RYR3: variants seen among roughly 807,000 people sequenced by gnomAD.
RYR3 encodes the protein ryanodine receptor 3, also known as brain ryanodine receptor-calcium release channel.
A neutral mutation model predicts 584.3 loss-of-function variants in RYR3; 207 were observed. That is an observed-to-expected ratio of 0.35 (90% CI 0.32 to 0.40). The LOEUF is 0.40. Among genes scored for constraint, RYR3 ranks in the 10% least tolerant of loss-of-function variants. The probability of loss-of-function intolerance (pLI) is 1.00; values close to 1 mark genes in which losing one functional copy is unlikely to be tolerated. For synonymous variants in RYR3, 2,416 were observed against 2,248.5 expected (o/e 1.07, Z -2.11); for missense variants, 5,616 against 6,089.2 (o/e 0.92, Z 2.59).
intron 77 of RYR3, among the ~76,000 whole-genome samples, chr15:33,820,093 T>G (rs1003554298): frequency 1.3e-4 from 20 of 152,350 alleles, no homozygotes; most frequent in African/African-American, 4.8e-4. Flanking sequence ...AATACCCTTG[T>G]GTTTTCACTC....
intron 1 of RYR3, among the ~76,000 whole-genome samples, chr15:33,436,428 G>T (rs550734176): frequency 6.6e-6 from 1 of 150,832 alleles, no homozygotes; most frequent in African/African-American, 2.4e-5. Flanking sequence ...TCAACCTGTT[G>T]GTTATGTTTT....
intron 17 of RYR3, 27 bp downstream of exon 17, chr15:33,601,579 G>T (rs1377084897): frequency 1.2e-6 from 2 of 1,612,506 alleles, no homozygotes; most frequent in Non-Finnish European, 1.7e-6. Context: ...CATTCCAAAT[G>T]CCAAGCATAG....
intron 100 of RYR3, 99 bp from the exon 101 acceptor site, chr15:33,860,496 C>T (rs1354540670): frequency 5.4e-6 from 3 of 554,244 alleles, no homozygotes; most frequent in South Asian, 3.6e-5. Context: ...TGATAATTCA[C>T]TTTTTTTTTT....
chr15:33,426,531 T>C (rs1424025832), intron 1 of RYR3, among the ~76,000 whole-genome samples: 3 of 152,218 alleles, frequency 2.0e-5, no homozygotes, highest in African/African-American at 7.2e-5. Flanking sequence ...GTGTAACTTT[T>C]TGTACTAAAG....
intron 16 of RYR3, among the ~76,000 whole-genome samples, chr15:33,593,813 T>G (rs1050820491): frequency 7.2e-5 from 11 of 152,184 alleles, no homozygotes; most frequent in African/African-American, 2.4e-4. Context: ...GAAACATAAT[T>G]TTTCTCTCTG....
chr15:33,745,481 T>C (rs1441530234), intron 52 of RYR3, among the ~76,000 whole-genome samples: 1 of 152,160 alleles, frequency 6.6e-6, no homozygotes, highest in African/African-American at 2.4e-5. Context: ...GTCTTGGGGA[T>C]GTGAAGTTAC....
rs565187830 is a variant in RYR3 at position 33,435,462 on chromosome 15, T to C, written c.52-37957T>C. Among the ~76,000 whole-genome samples the C allele has an allele frequency of 1.7e-4, 26 of 152,348 alleles. No homozygotes were observed. The South Asian group carries it at 5.0e-3, about 29-fold the overall frequency. ...TGTATAGTTTGGGGCTCTGGATATG[T>C]GTATGTGTGTGTGTGCTATTTCACA... is the stretch of plus-strand genomic sequence containing the variant. On this transcript the variant is annotated intron_variant, in intron 1 of 103. Coordinates refer to ENST00000634891, the MANE Select transcript of RYR3 (RefSeq NM_001036.6).
intron 2 of RYR3, among the ~76,000 whole-genome samples, chr15:33,480,171 T>G (rs1229750232): frequency 6.6e-6 from 1 of 152,186 alleles, no homozygotes; most frequent in Non-Finnish European, 1.5e-5. Flanking sequence ...TCAAGGACTT[T>G]TGTATAGCTC....
rs771271239 is a variant in RYR3, at chr15:33,865,111, CGTT to C, written c.14518-16_14518-14del. On this transcript the variant is annotated splice_polypyrimidine_tract_variant and intron_variant, in intron 103 of 103. Transcript: ENST00000634891. ...TTACTGTGGTTTAAAAATAAGCACC[CGTT>C]GTTCATATTATTTCAGGAATCTTAT... The C allele has an allele frequency of 6.3e-6, 10 of 1,581,288 alleles. No individual in the cohort carries two copies. In the Admixed American group the frequency reaches 8.4e-5, roughly 13 times the overall value.
intron 14 of RYR3, among the ~76,000 whole-genome samples, chr15:33,584,081 C>G (rs2058723254): frequency 6.6e-6 from 1 of 151,256 alleles, no homozygotes; most frequent in South Asian, 2.1e-4. Context: ...ACAAAAAAAA[C>G]TTAAAAATTA....
chr15:33,848,057 C>T (rs996323229), intron 93 of RYR3, among the ~76,000 whole-genome samples: 1 of 152,156 alleles, frequency 6.6e-6, no homozygotes, highest in Non-Finnish European at 1.5e-5. Flanking sequence ...TTAATATTAG[C>T]CATCTAACTG....
At chr15:33,685,700 C>T (rs182628381) in intron 38 of RYR3, among the ~76,000 whole-genome samples, 2,382 of 152,286 alleles carry the variant, frequency 0.016, 61 homozygotes, top group African/African-American at 0.054. Context: ...AAATAATGCA[C>T]TCCTCAGCAA....
chr15:33,459,022 C>T (rs150058082), intron 1 of RYR3, among the ~76,000 whole-genome samples: 189 of 152,352 alleles, frequency 1.2e-3, no homozygotes, highest in African/African-American at 4.2e-3. Context: ...TCACTTCTGA[C>T]CTGAGTCAAT....
chr15:33,598,590 G>A (rs2059505048), intron 16 of RYR3, among the ~76,000 whole-genome samples: 1 of 151,758 alleles, frequency 6.6e-6, no homozygotes, highest in Non-Finnish European at 1.5e-5. Flanking sequence ...CCTAGTGATG[G>A]GTCTTAGGCT....
intron 43 of RYR3, among the ~76,000 whole-genome samples, chr15:33,707,708 G>C (rs1187683015): frequency 6.6e-6 from 1 of 152,138 alleles, no homozygotes; most frequent in Admixed American, 6.5e-5. Flanking sequence ...TGACATTATA[G>C]TTATAGTCCC....
chr15:33,345,922 G>A (rs147843202), intron 1 of RYR3, among the ~76,000 whole-genome samples: 15 of 152,156 alleles, frequency 9.9e-5, no homozygotes, highest in African/African-American at 3.6e-4. Context: ...GTATTAACAT[G>A]CGCCATTTCT....
chr15:33,698,140 G>A (rs1304033479), intron 40 of RYR3, 144 bp downstream of exon 40: 3 of 638,250 alleles, frequency 4.7e-6, no homozygotes, highest in South Asian at 1.9e-5. Context: ...CCAAGAAGGA[G>A]CCAAGCGATG....
At chr15:33,589,412 C>T (rs2059017145) in intron 16 of RYR3, among the ~76,000 whole-genome samples, 1 of 152,126 alleles carries the variant, frequency 6.6e-6, no homozygotes, top group South Asian at 2.1e-4. Flanking sequence ...TATAGGTTTT[C>T]TGTTCACTCT....
chr15:33,623,032 A>G (rs1178820535), intron 19 of RYR3, among the ~76,000 whole-genome samples: 1 of 152,122 alleles, frequency 6.6e-6, no homozygotes, highest in South Asian at 2.1e-4. Context: ...TTACTGTGAG[A>G]CCTTTAGTGT....
Sources: gnomAD v4.1 joint callset for allele counts (sites outside exome capture counted in the v4.1 genomes callset) on GRCh38, gnomAD v4.1.1 for gene constraint, MANE v1.5 for transcripts, NCBI Gene and HGNC (gene_info 2026-07-23, HGNC 2026-07-21) for gene names.